PIK3R6: variants seen among roughly 807,000 people sequenced by gnomAD.
PIK3R6 encodes the protein phosphoinositide-3-kinase regulatory subunit 6, also known as phosphoinositide 3-kinase regulatory subunit 6.
In PIK3R6, 91 loss-of-function variants were observed where a neutral mutation model predicts 84.9. That is an observed-to-expected ratio of 1.07 (90% confidence interval 0.90 to 1.28). The LOEUF (loss-of-function observed/expected upper bound fraction) is 1.28. Among genes scored for constraint, PIK3R6 ranks in the 50% most tolerant of loss-of-function variants. The pLI, the probability that PIK3R6 is intolerant of heterozygous loss-of-function variation, is 0.00. For synonymous variants in PIK3R6, 416 were observed against 411.4 expected, an observed-to-expected ratio of 1.01 and a Z score of -0.13; for missense variants, 996 against 985.1, an observed-to-expected ratio of 1.01 and a Z score of -0.15.
chr17:8,808,651 A>T (rs1328768323), intron 18 of PIK3R6, among the ~76,000 whole-genome samples: 1 of 152,226 alleles, frequency 6.6e-6, no homozygotes, highest in Admixed American at 6.5e-5. Context: ...TGCAGGAGTC[A>T]AAAACTCAGG....
intron 18 of PIK3R6, among the ~76,000 whole-genome samples, chr17:8,809,423 A>G (rs1389611435): frequency 2.0e-5 from 3 of 152,234 alleles, no homozygotes; most frequent in African/African-American, 7.2e-5. Flanking sequence ...TAATTATGAC[A>G]GGAACAAAAC....
intron 9 of PIK3R6, among the ~76,000 whole-genome samples, chr17:8,831,560 T>C (rs569468501): frequency 6.6e-6 from 1 of 151,994 alleles, no homozygotes; most frequent in Non-Finnish European, 1.5e-5. Flanking sequence ...CAGTGTAGAA[T>C]GTTAAAGTAA....
intron 17 of PIK3R6, among the ~76,000 whole-genome samples, chr17:8,820,046 A>G (rs918480332): frequency 8.6e-5 from 13 of 150,648 alleles, no homozygotes; most frequent in African/African-American, 3.2e-4. Flanking sequence ...TCCCAGGTTC[A>G]AACAATTCTC....
At chr17:8,840,593 C>T (rs2088644874) in intron 2 of PIK3R6, among the ~76,000 whole-genome samples, 1 of 145,830 alleles carries the variant, frequency 6.9e-6, no homozygotes, top group Non-Finnish European at 1.5e-5. Context: ...AAGTATATAT[C>T]CTCCAAATAT....
intron 1 of PIK3R6, among the ~76,000 whole-genome samples, chr17:8,866,680 G>T (rs978589493): frequency 2.0e-5 from 3 of 152,042 alleles, no homozygotes; most frequent in South Asian, 2.1e-4. Flanking sequence ...GGTGCCTCTT[G>T]CCTCCTCTTT....
At chr17:8,828,537 CCA>C in intron 11 of PIK3R6, 28 bp downstream of exon 11, 1 of 1,604,318 alleles carries the variant, frequency 6.2e-7, no homozygotes, top group Non-Finnish European at 8.5e-7. Context: ...TGACCAGCGC[CCA>C]CCCCCAGCCC....
intron 18 of PIK3R6, among the ~76,000 whole-genome samples, chr17:8,812,703 T>C (rs2087394335): frequency 6.6e-6 from 1 of 152,106 alleles, no homozygotes; most frequent in Non-Finnish European, 1.5e-5. Context: ...ATTTTTGAAA[T>C]GAATGAAAAT....
intron 1 of PIK3R6, among the ~76,000 whole-genome samples, chr17:8,853,286 C>G (rs1432286569): frequency 1.3e-5 from 2 of 151,214 alleles, no homozygotes; most frequent in Non-Finnish European, 2.9e-5. Context: ...CAGATGGAGA[C>G]CATCCTGGCT....
intron 1 of PIK3R6, among the ~76,000 whole-genome samples, chr17:8,850,797 A>T (rs962349387): frequency 6.6e-6 from 1 of 152,226 alleles, no homozygotes; most frequent in African/African-American, 2.4e-5. Flanking sequence ...TGTCATATAT[A>T]TATTTCTTTA....
intron 6 of PIK3R6, 32 bp from the exon 7 acceptor site, chr17:8,836,648 C>T (rs1342901967): frequency 6.2e-6 from 10 of 1,613,698 alleles, no homozygotes; most frequent in Non-Finnish European, 8.5e-6. Flanking sequence ...CCAAACAGCC[C>T]CCAAGTCTCT....
Position 8,823,097 on chromosome 17 carries a change from G to C in PIK3R6, c.1627-11C>G. On this transcript the variant is annotated splice_polypyrimidine_tract_variant and intron_variant, in intron 14 of 19. Coordinates refer to ENST00000619866, the MANE Select transcript of PIK3R6 (RefSeq NM_001010855.4). ...GTCACTGAAAAAGATCTGGAGAGAG[G>C]AAGGGAGGGTGGCATTTCCTGGTGT... The C allele has an allele frequency of 1.3e-6, 2 of 1,573,552 alleles. No individual in the cohort carries two copies. Among genetic ancestry groups the C allele is most frequent in the Non-Finnish European group, 1.7e-6 (2 of 1,143,368 alleles).
At chr17:8,846,409 G>A (rs2088816028) in intron 2 of PIK3R6, among the ~76,000 whole-genome samples, 1 of 152,088 alleles carries the variant, frequency 6.6e-6, no homozygotes, top group South Asian at 2.1e-4. Context: ...CTCCAGCTTG[G>A]TTCTTTTTAC....
chr17:8,845,630 T>C (rs1412041196), intron 2 of PIK3R6, among the ~76,000 whole-genome samples: 1 of 152,204 alleles, frequency 6.6e-6, no homozygotes, highest in African/African-American at 2.4e-5. Flanking sequence ...ACTCTGTTGA[T>C]AATTTATTTT....
chr17:8,819,857 GAC>G (rs908362842), intron 17 of PIK3R6, among the ~76,000 whole-genome samples: 1 of 143,236 alleles, frequency 7.0e-6, no homozygotes, highest in African/African-American at 2.6e-5. Flanking sequence ...TGTATATATA[GAC>G]ACACATATAT....
rs2087737652 is a variant in PIK3R6, at chr17:8,821,698, G to A, written c.1879+148C>T. The A allele has an allele frequency of 1.7e-5, 14 of 828,236 alleles. No individual in the cohort carries two copies. The South Asian group carries it at 1.8e-4, about 11-fold the overall frequency. 51.3% of individuals were successfully genotyped at this position (828,236 alleles called of 1,614,324 possible). A position where few individuals can be genotyped will look rare whatever the true frequency, so the allele number is the denominator to read the frequency against. On this transcript the variant is annotated intron_variant, in intron 17 of 19. Coordinates refer to ENST00000619866, the MANE Select transcript of PIK3R6 (RefSeq NM_001010855.4). ...TAGAGTCTGGGTGACCCGACAGCAAGCAACTTGAAGGCAGTCACCAAGTCC... is the reference window on the plus strand; with the variant it reads ...TAGAGTCTGGGTGACCCGACAGCAAACAACTTGAAGGCAGTCACCAAGTCC...
intron 4 of PIK3R6, among the ~76,000 whole-genome samples, 160 bp from the exon 5 acceptor site, chr17:8,838,031 G>T (rs990505160): frequency 6.6e-6 from 1 of 152,176 alleles, no homozygotes; most frequent in East Asian, 1.9e-4. Flanking sequence ...GTGGGGAGGG[G>T]AGGGCACACA....
chr17:8,804,709 G>A (rs1394028202), intron 18 of PIK3R6, among the ~76,000 whole-genome samples: 4 of 152,130 alleles, frequency 2.6e-5, no homozygotes, highest in East Asian at 1.9e-4. Context: ...CAGAGAGGTC[G>A]CCTCCCATTG....
chr17:8,837,528 T>G (rs2088520673), intron 5 of PIK3R6, among the ~76,000 whole-genome samples: 1 of 152,202 alleles, frequency 6.6e-6, no homozygotes, highest in Non-Finnish European at 1.5e-5. Flanking sequence ...ATGTCTCTTC[T>G]CTGTGTAGGG....
rs753161498 is a variant in PIK3R6, at chr17:8,828,777, C to T, written c.1103G>A (p.Arg368His). Residue 368 changes from arginine (R) to histidine (H), a missense_variant, in exon 11 of 20, where the codon CGC becomes CAC. Physicochemically the swap from Arg to His is conservative, Grantham distance 29. Coordinates refer to ENST00000619866, the MANE Select transcript of PIK3R6 (RefSeq NM_001010855.4). Reference sequence around the variant, plus strand: ...TGCACGCTTCTTGATGCCCCCTTTGCGCTGCAGCCCGGCTCGCTCCATCTC... The same window carrying T: ...TGCACGCTTCTTGATGCCCCCTTTGTGCTGCAGCCCGGCTCGCTCCATCTC... ...SPEMERAGLQ[R>H]KGGIKKRAWP... 3 of 1,588,550 alleles carry T rather than the reference C, an allele frequency of 1.9e-6. No individual in the cohort carries two copies. Among genetic ancestry groups the T allele is most frequent in the South Asian group, 2.3e-5 (2 of 88,216 alleles).
Sources: allele counts gnomAD v4.1 joint callset (sites outside exome capture counted in the v4.1 genomes callset), GRCh38; gene constraint gnomAD v4.1.1; transcripts MANE v1.5; gene names NCBI Gene and HGNC (gene_info 2026-07-23, HGNC 2026-07-21).